RIPOR3: variants seen among roughly 807,000 people sequenced by gnomAD.
RIPOR3 encodes family with sequence similarity 65 member C.
In RIPOR3, 95 loss-of-function variants were observed where a neutral mutation model predicts 114.3. The observed-to-expected ratio is 0.83, with a 90% CI of 0.70 to 0.99. The LOEUF (loss-of-function observed/expected upper bound fraction) is 0.99. Among genes scored for constraint, RIPOR3 ranks in the 50% least tolerant of loss-of-function variants. The pLI is 0.00. For missense variants in RIPOR3, 1,252 were observed against 1,266.9 expected (o/e 0.99, Z 0.18); for synonymous variants, 575 against 543.8 (o/e 1.06, Z -0.80).
intron 1 of RIPOR3, among the ~76,000 whole-genome samples, chr20:50,650,601 A>C (rs905495738): frequency 7.9e-5 from 12 of 152,100 alleles, no homozygotes; most frequent in Admixed American, 2.6e-4. Context: ...ACCACATCCA[A>C]CCTCAACATA....
At chr20:50,659,533 G>C (rs2085925658) in intron 1 of RIPOR3, among the ~76,000 whole-genome samples, 1 of 151,220 alleles carries the variant, frequency 6.6e-6, no homozygotes. Context: ...TGTAATCCCA[G>C]CTACTCGGGA....
intron 1 of RIPOR3, among the ~76,000 whole-genome samples, chr20:50,634,549 G>T (rs767258753): frequency 6.6e-6 from 1 of 152,168 alleles, no homozygotes; most frequent in Non-Finnish European, 1.5e-5. Context: ...GGGACCAGGT[G>T]CATGGAAGAT....
At chr20:50,617,541 C>T (rs147966599) in intron 3 of RIPOR3, among the ~76,000 whole-genome samples, 1 of 152,050 alleles carries the variant, frequency 6.6e-6, no homozygotes, top group Non-Finnish European at 1.5e-5. Flanking sequence ...CCTCGGCCCC[C>T]CAAAGTGCTG....
chr20:50,689,104 C>T (rs1010887527), intron 1 of RIPOR3, among the ~76,000 whole-genome samples: 10 of 152,116 alleles, frequency 6.6e-5, no homozygotes, highest in South Asian at 2.1e-4. Context: ...CCTTCATTCC[C>T]GCCTCCTCCA....
chr20:50,596,373 G>T (rs1481209553), intron 14 of RIPOR3, 110 bp from the exon 15 acceptor site: 2 of 1,475,180 alleles, frequency 1.4e-6, no homozygotes, highest in African/African-American at 1.4e-5. Flanking sequence ...GCCCACTCCA[G>T]GTCCCAGGAA....
chr20:50,661,030 G>T (rs1275749130), intron 1 of RIPOR3, among the ~76,000 whole-genome samples: 1 of 151,994 alleles, frequency 6.6e-6, no homozygotes, highest in Admixed American at 6.6e-5. Flanking sequence ...CTGAGGTCAG[G>T]AGTACAAGAC....
intron 1 of RIPOR3, among the ~76,000 whole-genome samples, chr20:50,637,263 C>T (rs981179662): frequency 6.6e-6 from 1 of 152,132 alleles, no homozygotes; most frequent in African/African-American, 2.4e-5. Context: ...AACTACTCCT[C>T]CCTGCCAAAG....
At chr20:50,666,315 C>G (rs921774585) in intron 1 of RIPOR3, among the ~76,000 whole-genome samples, 2 of 147,968 alleles carry the variant, frequency 1.4e-5, no homozygotes, top group Admixed American at 1.4e-4. Context: ...ATCTCCGTCT[C>G]CCGGGTTCAA....
intron 11 of RIPOR3, among the ~76,000 whole-genome samples, chr20:50,606,652 A>T (rs529844639): frequency 7.0e-4 from 106 of 152,260 alleles, no homozygotes; most frequent in African/African-American, 2.5e-3. Flanking sequence ...GGGTACTTAA[A>T]GCCCAGAAAC....
chr20:50,668,123 A>T (rs531041195), intron 1 of RIPOR3, among the ~76,000 whole-genome samples: 1 of 152,226 alleles, frequency 6.6e-6, no homozygotes, highest in Non-Finnish European at 1.5e-5. Flanking sequence ...CCTCAGTCTG[A>T]GGCTTGCTCT....
chr20:50,596,123 T>C lies in RIPOR3; in HGVS notation c.1914+17A>G, dbSNP rs2083279485. On this transcript the variant is annotated intron_variant, in intron 15 of 21. Transcript: ENST00000327979. ...CCCCTGTCTGCCCCTCCCTGACAAG[T>C]CCCCTAGCCCAGCCACCTGCAGCAG... 6.2e-7 allele frequency: 1 copy of C among 1,613,886 alleles called. No homozygotes were observed. Among genetic ancestry groups the C allele is most frequent in the African/African-American group, 1.3e-5 (1 of 75,006 alleles).
At chr20:50,691,088 G>T (rs1349592369) in intron 1 of RIPOR3, 38 bp downstream of exon 1, 14 of 1,289,464 alleles carry the variant, frequency 1.1e-5, no homozygotes, top group Non-Finnish European at 1.3e-5. Context: ...ACAAGGCGGC[G>T]TCACGGCACA....
intron 20 of RIPOR3, among the ~76,000 whole-genome samples, chr20:50,588,869 A>G (rs1475439430): frequency 2.0e-5 from 3 of 151,638 alleles, no homozygotes; most frequent in Non-Finnish European, 4.4e-5. Flanking sequence ...TCACGAGGTC[A>G]GGAGATCGAG....
In RIPOR3 at chr20:50,592,536, G is replaced by A. The variant is rs561564115; in HGVS notation, c.2385C>T (p.Ile795=). 39 of 1,560,234 alleles carry A rather than the reference G, an allele frequency of 2.5e-5. No individual in the cohort carries two copies. The highest frequency in any genetic ancestry group is 3.2e-5 in the Non-Finnish European group (37 of 1,150,336). Residue 795 remains isoleucine, a synonymous_variant, in exon 19 of 22, where the codon ATC becomes ATT. Coordinates refer to ENST00000327979, the MANE Select transcript of RIPOR3 (RefSeq NM_001290268.2). The part of the protein sequence containing the change: ...FTQLTKEVTL[I]EELHCAGQAK... ...CCTGTCCCGCACAGTGAAGCTCCTC[G>A]ATGAGTGTCACTAGAAGACAGGAAA...
chr20:50,608,807 T>A, intron 9 of RIPOR3, 69 bp from the exon 10 acceptor site: 3 of 1,612,400 alleles, frequency 1.9e-6, no homozygotes, highest in South Asian at 2.2e-5. Flanking sequence ...CCCAGGGCCC[T>A]CCCTGCCAGG....
intron 11 of RIPOR3, among the ~76,000 whole-genome samples, chr20:50,607,601 G>A (rs968313290): frequency 1.1e-4 from 17 of 152,108 alleles, no homozygotes; most frequent in Admixed American, 7.9e-4. Flanking sequence ...TGAGCTGCCC[G>A]CCACCCTGTA....
chr20:50,590,145 G>A, intron 19 of RIPOR3: 1 of 233,338 alleles, frequency 4.3e-6, no homozygotes, highest in Non-Finnish European at 8.8e-6. Context: ...AGCTGAAAAC[G>A]GGCAAGGCTG....
At chr20:50,623,562 C>A (rs1186053080) in intron 2 of RIPOR3, among the ~76,000 whole-genome samples, 1 of 152,060 alleles carries the variant, frequency 6.6e-6, no homozygotes, top group African/African-American at 2.4e-5. Flanking sequence ...TTTTGGGGAC[C>A]CAGGATGTGT....
intron 1 of RIPOR3, among the ~76,000 whole-genome samples, chr20:50,651,684 T>C (rs1389283957): frequency 6.6e-6 from 1 of 152,044 alleles, no homozygotes; most frequent in Non-Finnish European, 1.5e-5. Context: ...GAAATAGCAG[T>C]GGAAATAAAA....
Sources: gnomAD v4.1 joint callset for allele counts (sites outside exome capture counted in the v4.1 genomes callset) on GRCh38, gnomAD v4.1.1 for gene constraint, MANE v1.5 for transcripts, NCBI Gene and HGNC (gene_info 2026-07-23, HGNC 2026-07-21) for gene names.